ITPRIP: variants seen among roughly 807,000 people sequenced by gnomAD.
ITPRIP encodes the protein inositol 1,4,5-trisphosphate receptor interacting protein.
Under a neutral mutation model 35.8 loss-of-function variants are expected in ITPRIP, and 32 were observed. That is an observed-to-expected ratio of 0.89 (90% CI 0.68 to 1.20). ITPRIP has a LOEUF of 1.20. Ranked by LOEUF, ITPRIP falls within the 50% of genes most tolerant of loss-of-function variation. The probability of loss-of-function intolerance (pLI) is 0.00; values close to 1 mark genes in which losing one functional copy is unlikely to be tolerated. For missense variants in ITPRIP, 653 were observed against 735.6 expected (o/e 0.89, Z 1.30); for synonymous variants, 358 against 324.0 (o/e 1.11, Z -1.13).
intron 1 of ITPRIP, among the ~76,000 whole-genome samples, chr10:104,323,123 G>A (rs1267913039): frequency 6.6e-6 from 1 of 152,212 alleles, no homozygotes; most frequent in African/African-American, 2.4e-5. Context: ...TGGAGTAGAA[G>A]AGGCAGGCTG....
intron 1 of ITPRIP, among the ~76,000 whole-genome samples, chr10:104,336,952 G>A (rs1229326798): frequency 6.6e-6 from 1 of 152,178 alleles, no homozygotes; most frequent in African/African-American, 2.4e-5. Flanking sequence ...TGCACCCAGG[G>A]AGAGCAGAGA....
At chr10:104,325,491 C>A (rs542138549) in intron 1 of ITPRIP, among the ~76,000 whole-genome samples, 323 of 152,370 alleles carry the variant, frequency 2.1e-3, no homozygotes, top group African/African-American at 7.0e-3. Flanking sequence ...ATAATCCTAA[C>A]CAGCACTTAT....
chr10:104,327,273 C>T (rs2014041750), intron 1 of ITPRIP, among the ~76,000 whole-genome samples: 1 of 152,106 alleles, frequency 6.6e-6, no homozygotes, highest in South Asian at 2.1e-4. Flanking sequence ...ACTCCAAACC[C>T]CCAGTTAGCT....
intron 1 of ITPRIP, among the ~76,000 whole-genome samples, chr10:104,336,497 G>T (rs1263807962): frequency 2.3e-4 from 29 of 126,898 alleles, no homozygotes; most frequent in African/African-American, 9.4e-4. Flanking sequence ...TTTTTTTTGG[G>T]GGGGGGGGGG....
intron 1 of ITPRIP, among the ~76,000 whole-genome samples, chr10:104,337,502 C>CT (rs2014260726): frequency 6.6e-6 from 1 of 150,386 alleles, no homozygotes; most frequent in Non-Finnish European, 1.5e-5. Flanking sequence ...TTTTCTTTTT[C>CT]TTTTTCTTTT....
rs780000087 is a variant in ITPRIP, at chr10:104,315,807, G to C, written c.245C>G (p.Thr82Arg). 6.2e-7 allele frequency: 1 copy of C among 1,613,544 alleles called. No homozygotes were observed. The highest frequency in any genetic ancestry group is 1.3e-5 in the African/African-American group (1 of 74,936). ...VAEEGRQQNE[T>R]RVAWDLWSTL... ...GCTCCAGAGGTCCCAGGCCACGCGT[G>C]TCTCGTTCTGCTGCCTGCCCTCCTC... The change falls in exon 2 of 2, where the codon ACA becomes AGA. Residue 82 changes from threonine to arginine, a missense_variant. Transcript: ENST00000337478. The surrounding 1 kb of genome is among the most constrained non-coding windows in gnomAD (Gnocchi z 5.7).
intron 1 of ITPRIP, among the ~76,000 whole-genome samples, chr10:104,334,979 A>G (rs1055092924): frequency 1.3e-5 from 2 of 152,224 alleles, no homozygotes; most frequent in African/African-American, 4.8e-5. Context: ...GTGAATCAGT[A>G]GCTTGAGTCC....
In ITPRIP at chr10:104,313,236, C is replaced by T. The variant is rs1408731335; in HGVS notation, c.*1172G>A. 2 of 985,566 alleles carry T rather than the reference C, an allele frequency of 2.0e-6. No individual in the cohort carries two copies. Among genetic ancestry groups the T allele is most frequent in the Non-Finnish European group, 1.2e-6 (1 of 830,026 alleles). 61.1% of individuals were successfully genotyped at this position (985,566 alleles called of 1,614,324 possible). A position where few individuals can be genotyped will look rare whatever the true frequency, so the allele number is the denominator to read the frequency against. On this transcript the variant is annotated 3_prime_UTR_variant, in exon 2 of 2. Transcript: ENST00000337478. ...TGAGGACAACCTGGGGCTATGACAT[C>T]CTTGGCCCCTGATCTCTGCAACTTT...
At chr10:104,336,136 G>A (rs2014229053) in intron 1 of ITPRIP, among the ~76,000 whole-genome samples, 1 of 152,140 alleles carries the variant, frequency 6.6e-6, no homozygotes, top group Non-Finnish European at 1.5e-5. Flanking sequence ...GAGGCATCAA[G>A]CCCCATCCTC....
Position 104,315,368 on chromosome 10 carries a change from G to A in ITPRIP, c.684C>T (p.Cys228=). 1 of 1,562,948 alleles carries A rather than the reference G, an allele frequency of 6.4e-7. No homozygotes were observed. The highest frequency in any genetic ancestry group is 8.7e-7 in the Non-Finnish European group (1 of 1,151,500). ...GATCCAGGGGCACTGAGCGGCCGGAGCACCAGAGCTCTGGGTGGAAGCGGT... is the reference window on the plus strand; with the variant it reads ...GATCCAGGGGCACTGAGCGGCCGGAACACCAGAGCTCTGGGTGGAAGCGGT... ...EPYRFHPELW[C]SGRSVPLDRQ... The change falls in exon 2 of 2, where the codon TGC becomes TGT. Residue 228 remains cysteine (C), a synonymous_variant. Transcript: ENST00000337478. The surrounding 1 kb of genome is among the most constrained non-coding windows in gnomAD (Gnocchi z 5.7).
chr10:104,336,521 G>A (rs1409499997), intron 1 of ITPRIP, among the ~76,000 whole-genome samples: 2 of 150,704 alleles, frequency 1.3e-5, no homozygotes, highest in African/African-American at 4.9e-5. Flanking sequence ...CGGGGCATTG[G>A]GGGGTAGGTT....
intron 1 of ITPRIP, among the ~76,000 whole-genome samples, chr10:104,331,118 T>C (rs2014138345): frequency 6.6e-6 from 1 of 152,100 alleles, no homozygotes; most frequent in African/African-American, 2.4e-5. Flanking sequence ...AAGCCTTCTC[T>C]GCAAAAAAGG....
intron 1 of ITPRIP, among the ~76,000 whole-genome samples, chr10:104,337,646 G>A (rs908835975): frequency 3.3e-5 from 5 of 152,158 alleles, no homozygotes; most frequent in African/African-American, 1.2e-4. Context: ...TGCAGCCCAA[G>A]AGCAAGTCTG....
rs1436928260 is a variant in ITPRIP, at chr10:104,314,259, A to G, written c.*149T>C. On this transcript the variant is annotated 3_prime_UTR_variant, in exon 2 of 2. Transcript: ENST00000337478. ...CCCGTTGAAATTCTGTTTCCTCTGC[A>G]CTGTAGGGCTTGGCTTCCTGGCAGG... The G allele has an allele frequency of 6.1e-6, 9 of 1,483,020 alleles. No individual in the cohort carries two copies. The highest frequency in any genetic ancestry group is 7.1e-6 in the Non-Finnish European group (8 of 1,120,832). 91.9% of individuals were successfully genotyped at this position (1,483,020 alleles called of 1,614,324 possible).
chr10:104,317,087 T>A (rs1249180378), intron 1 of ITPRIP, among the ~76,000 whole-genome samples: 1 of 152,250 alleles, frequency 6.6e-6, no homozygotes, highest in East Asian at 1.9e-4. Context: ...CTTATCCTCC[T>A]CTTCTGTAAA....
At chr10:104,322,020 C>T (rs993663263) in intron 1 of ITPRIP, among the ~76,000 whole-genome samples, 1 of 152,168 alleles carries the variant, frequency 6.6e-6, no homozygotes, top group African/African-American at 2.4e-5. Context: ...TAGACAGCCA[C>T]TACGTATGGA....
chr10:104,335,044 C>T (rs140028661), intron 1 of ITPRIP, among the ~76,000 whole-genome samples: 3 of 152,334 alleles, frequency 2.0e-5, no homozygotes, highest in African/African-American at 7.2e-5. Flanking sequence ...AGCTAAGAGC[C>T]ATGCCCTGGG....
Position 104,313,648 on chromosome 10 carries a change from C to T in ITPRIP, c.*760G>A, listed in dbSNP as rs976930394. The T allele has an allele frequency of 4.7e-5, 46 of 985,496 alleles. No homozygotes were observed. Among genetic ancestry groups the T allele is most frequent in the Middle Eastern group, 5.2e-4 (1 of 1,914 alleles). 61.0% of individuals were successfully genotyped at this position (985,496 alleles called of 1,614,324 possible). A position where few individuals can be genotyped will look rare whatever the true frequency, so the allele number is the denominator to read the frequency against. On this transcript the variant is annotated 3_prime_UTR_variant, in exon 2 of 2. Coordinates refer to ENST00000337478, the MANE Select transcript of ITPRIP (RefSeq NM_001272013.2). ...CACCCAGTGTGGCAAATACCCACCA[C>T]GCTCGGGACCCAGTACGTTGGGGAA... is the stretch of plus-strand genomic sequence containing the variant.
At chr10:104,336,515 G>A (rs1000460556) in intron 1 of ITPRIP, among the ~76,000 whole-genome samples, 92 of 147,002 alleles carry the variant, frequency 6.3e-4, no homozygotes, top group African/African-American at 2.2e-3. Flanking sequence ...GGGCAGCGGG[G>A]CATTGGGGGG....
Sources: allele counts gnomAD v4.1 joint callset (sites outside exome capture counted in the v4.1 genomes callset), GRCh38; gene constraint gnomAD v4.1.1; non-coding constraint Gnocchi (gnomAD v3.1); transcripts MANE v1.5; gene names NCBI Gene and HGNC (gene_info 2026-07-23, HGNC 2026-07-21).